The following PCMTD1 variants were observed in gnomAD, a reference collection of about 807,000 sequenced individuals.
PCMTD1 encodes protein-L-isoaspartate (D-aspartate) O-methyltransferase domain containing 1, also known as protein-L-isoaspartate O-methyltransferase domain-containing protein 1.
Under a neutral mutation model 37.6 loss-of-function variants are expected in PCMTD1, and 12 were observed. The ratio of observed to expected loss-of-function variants is 0.32; its 90% confidence interval spans 0.20 to 0.52. PCMTD1 has a LOEUF of 0.52. PCMTD1 is among the 20% of genes least tolerant of loss of function. The pLI is 0.97. For missense variants in PCMTD1, 235 were observed against 421.3 expected (o/e 0.56, Z 3.87); for synonymous variants, 117 against 135.8 (o/e 0.86, Z 0.96).
intron 2 of PCMTD1, among the ~76,000 whole-genome samples, chr8:51,847,950 G>GTACTAATTAATCCCCTGGCCCAAC (rs1347930793): frequency 6.6e-6 from 1 of 151,958 alleles, no homozygotes; most frequent in African/African-American, 2.4e-5. Flanking sequence ...GCTTAGTGGT[G>GTACTAATTAATCCCCTGGCCCAAC]CATGCCTGTA....
At position 51,819,519 on chromosome 8, in the gene PCMTD1, T is replaced by C. The variant is rs2037813271; in HGVS notation, c.*832A>G. On this transcript the variant is annotated 3_prime_UTR_variant, in exon 6 of 6. Coordinates refer to ENST00000522514, the MANE Select transcript of PCMTD1 (RefSeq NM_052937.4). The stretch of plus-strand genomic sequence containing the variant: ...ACACATAACAATGGTTTTGCTTTTT[T>C]TAAAAAACCAAATACTTTATACAGT... The C allele has an allele frequency of 6.6e-6, 1 of 152,508 alleles. No individual in the cohort carries two copies. Among genetic ancestry groups the C allele is most frequent in the African/African-American group, 2.4e-5 (1 of 41,450 alleles). The allele number at this position is 152,508 out of a possible 1,614,324, so 9.4% of individuals were successfully genotyped here.
At position 51,831,545 on chromosome 8, in the gene PCMTD1, C is replaced by G. The variant is rs1179782158; in HGVS notation, c.605G>C (p.Gly202Ala). The G allele has an allele frequency of 6.2e-7, 1 of 1,612,844 alleles. No homozygotes were observed. Among genetic ancestry groups the G allele is most frequent in the African/African-American group, 1.3e-5 (1 of 74,862 alleles). Residue 202 changes from glycine to alanine, a missense_variant, in exon 5 of 6, where the codon GGA becomes GCA. Gly to Ala is a moderately conservative substitution (Grantham distance 60). Transcript: ENST00000522514. ...ATTTTTACTTTCCCAAGTGTTCTGT[C>G]CAGTTCGCATAATCTGTGTTAACTA... Reference protein sequence around the residue: ...EDQLTQIMRTGQNTWESKNIL... With the variant: ...EDQLTQIMRTAQNTWESKNIL...
At chr8:51,873,057 C>G (rs1563356887) in intron 1 of PCMTD1, among the ~76,000 whole-genome samples, 2 of 152,192 alleles carry the variant, frequency 1.3e-5, no homozygotes, top group South Asian at 2.1e-4. Flanking sequence ...TTCCAAAGTC[C>G]AAAATGCTAA....
At chr8:51,896,800 T>C (rs2039007521) in intron 1 of PCMTD1, among the ~76,000 whole-genome samples, 1 of 152,030 alleles carries the variant, frequency 6.6e-6, no homozygotes, top group African/African-American at 2.4e-5. Context: ...AGGGCAACAA[T>C]TTTTCGTTCA....
intron 1 of PCMTD1, among the ~76,000 whole-genome samples, chr8:51,893,815 G>C (rs2038966491): frequency 6.6e-6 from 1 of 152,172 alleles, no homozygotes; most frequent in South Asian, 2.1e-4. Context: ...TAGTGTGTGT[G>C]ACAGAGAGAG....
intron 1 of PCMTD1, among the ~76,000 whole-genome samples, chr8:51,884,717 C>G (rs2038840775): frequency 1.3e-5 from 2 of 152,192 alleles, no homozygotes; most frequent in African/African-American, 4.8e-5. Flanking sequence ...CCCCAGCACT[C>G]TCTTTTGGAC....
intron 1 of PCMTD1, among the ~76,000 whole-genome samples, chr8:51,878,467 T>C (rs944287503): frequency 6.6e-6 from 1 of 152,174 alleles, no homozygotes; most frequent in African/African-American, 2.4e-5. Flanking sequence ...TGAGTTAAAA[T>C]GCAAGCAAGA....
upstream of PCMTD1, chr8:51,899,146 G>A: frequency 1.5e-6 from 2 of 1,352,890 alleles, no homozygotes; most frequent in East Asian, 3.1e-5. Flanking sequence ...GCAGCTCCCC[G>A]CGGACGCCAA....
intron 2 of PCMTD1, among the ~76,000 whole-genome samples, chr8:51,857,625 C>T (rs2038410832): frequency 6.6e-6 from 1 of 152,074 alleles, no homozygotes; most frequent in East Asian, 1.9e-4. Flanking sequence ...AGAGGAGAAT[C>T]AACTAAGTAC....
intron 5 of PCMTD1, 73 bp from the exon 6 acceptor site, chr8:51,820,791 A>G: frequency 7.3e-7 from 1 of 1,369,972 alleles, no homozygotes; most frequent in Middle Eastern, 2.0e-4. Context: ...TTTTTTTCAT[A>G]GAACAAAATG....
intron 1 of PCMTD1, among the ~76,000 whole-genome samples, chr8:51,895,430 T>C (rs2038986267): frequency 6.6e-6 from 1 of 152,232 alleles, no homozygotes; most frequent in South Asian, 2.1e-4. Flanking sequence ...GAGTGTTTTA[T>C]GCAAATTAGT....
intron 5 of PCMTD1, among the ~76,000 whole-genome samples, chr8:51,829,605 T>C (rs1318315276): frequency 6.6e-6 from 1 of 152,086 alleles, no homozygotes; most frequent in Non-Finnish European, 1.5e-5. Context: ...ACCCGGTCTC[T>C]ACTAAATATA....
chr8:51,831,311 AGTTG>A, intron 5 of PCMTD1, 129 bp downstream of exon 5: 1 of 903,862 alleles, frequency 1.1e-6, no homozygotes. Flanking sequence ...AAAAAAAAAA[AGTTG>A]AATAAATCCA....
At chr8:51,876,073 T>C (rs1034325452) in intron 1 of PCMTD1, among the ~76,000 whole-genome samples, 1 of 152,190 alleles carries the variant, frequency 6.6e-6, no homozygotes, top group African/African-American at 2.4e-5. Flanking sequence ...GCCTACCACA[T>C]GCTCAATAGG....
Position 51,820,738 on chromosome 8 carries a change from G to C in PCMTD1, c.707-20C>G. 7.7e-6 allele frequency: 12 copies of C among 1,557,478 alleles called. No homozygotes were observed. Among genetic ancestry groups the C allele is most frequent in the Non-Finnish European group, 1.0e-5 (12 of 1,155,960 alleles). ...AGGGAGCTAAAAACAAACATAAAACGCAAGAAAGAAAATATTAACAATAAA... is the reference window on the plus strand; with the variant it reads ...AGGGAGCTAAAAACAAACATAAAACCCAAGAAAGAAAATATTAACAATAAA... On this transcript the variant is annotated intron_variant, in intron 5 of 5. Transcript: ENST00000522514.
intron 1 of PCMTD1, among the ~76,000 whole-genome samples, chr8:51,896,547 A>C (rs1178129891): frequency 1.3e-5 from 2 of 152,190 alleles, no homozygotes; most frequent in African/African-American, 4.8e-5. Flanking sequence ...GCTACAATTT[A>C]CAATAACATC....
intron 1 of PCMTD1, among the ~76,000 whole-genome samples, chr8:51,878,386 G>A (rs948110751): frequency 6.6e-6 from 1 of 151,976 alleles, no homozygotes; most frequent in African/African-American, 2.4e-5. Flanking sequence ...GAAGTTCCTT[G>A]TGCTATTTCT....
chr8:51,817,701 T>C lies in PCMTD1; in HGVS notation c.*2650A>G, dbSNP rs1176176318. The C allele has an allele frequency of 1.0e-5, 3 of 288,242 alleles. No homozygotes were observed. The highest frequency in any genetic ancestry group is 9.4e-5 in the Admixed American group (2 of 21,250). The allele number at this position is 288,242 out of a possible 1,614,324, so 17.9% of individuals were successfully genotyped here. A position where few individuals can be genotyped will look rare whatever the true frequency, so the allele number is the denominator to read the frequency against. ...AAATCAACACACTTTTTGTATTTTA[T>C]TTTACTACTATGTATGCTATTTTAA... On this transcript the variant is annotated 3_prime_UTR_variant, in exon 6 of 6. Coordinates refer to ENST00000522514, the MANE Select transcript of PCMTD1 (RefSeq NM_052937.4).
At chr8:51,880,859 C>T (rs2038781069) in intron 1 of PCMTD1, among the ~76,000 whole-genome samples, 1 of 152,186 alleles carries the variant, frequency 6.6e-6, no homozygotes, top group Non-Finnish European at 1.5e-5. Flanking sequence ...CTATAGACAA[C>T]TTAAAAGTTA....
Sources: gnomAD v4.1 joint callset for allele counts (sites outside exome capture counted in the v4.1 genomes callset) on GRCh38, gnomAD v4.1.1 for gene constraint, MANE v1.5 for transcripts, NCBI Gene and HGNC (gene_info 2026-07-23, HGNC 2026-07-21) for gene names.